The following RAD51B variants were observed in gnomAD, a reference collection of about 807,000 sequenced individuals.
RAD51B encodes RAD51 paralog B.
A neutral mutation model predicts 42.2 loss-of-function variants in RAD51B; 38 were observed. The observed-to-expected ratio is 0.90, with a 90% CI of 0.70 to 1.18. The LOEUF is 1.18. RAD51B is among the 50% of genes most tolerant of loss of function. The probability of loss-of-function intolerance (pLI) is 0.00; values close to 1 mark genes in which losing one functional copy is unlikely to be tolerated. For missense variants in RAD51B, 373 were observed against 400.7 expected (o/e 0.93, Z 0.59); for synonymous variants, 154 against 145.2 (o/e 1.06, Z -0.43).
chr14:68,641,345 AG>A (rs1892455822), intron 10 of RAD51B, among the ~76,000 whole-genome samples: 1 of 152,174 alleles, frequency 6.6e-6, no homozygotes, highest in Admixed American at 6.5e-5. Flanking sequence ...AAGTCCCAGG[AG>A]CTTAAGAAGT....
At chr14:67,828,756 A>G (rs2040922831) in intron 3 of RAD51B, among the ~76,000 whole-genome samples, 1 of 151,968 alleles carries the variant, frequency 6.6e-6, no homozygotes, top group African/African-American at 2.4e-5. Context: ...TCCTTTCCCC[A>G]TTGCTTGTTT....
At chr14:67,883,844 T>C (rs1052144966) in intron 5 of RAD51B, among the ~76,000 whole-genome samples, 13 of 152,218 alleles carry the variant, frequency 8.5e-5, no homozygotes, top group Admixed American at 8.5e-4. Flanking sequence ...TGGCATATAG[T>C]AGGTCCTCAA....
rs1365526748 is a variant in RAD51B, at chr14:67,940,037, TATATATATATATATATA to T, written c.756+52834_756+52850del. On this transcript the variant is annotated intron_variant, in intron 7 of 10. Coordinates refer to ENST00000471583, the MANE Select transcript of RAD51B (RefSeq NM_133510.4). ...TTTGATAGATGCATATATATATATA[TATATATATATATATATA>T]TTTTTTTTTTTTTTTTTTTTTTTTT... 4.2e-4 allele frequency among the ~76,000 whole-genome samples: 5 copies of T among 12,012 alleles called. No homozygotes were observed. In the South Asian group the frequency reaches 0.01, roughly 25 times the overall value. 7.9% of individuals were successfully genotyped at this position (12,012 alleles called of 152,430 possible).
chr14:67,888,081 T>C (rs1220713056), intron 7 of RAD51B, among the ~76,000 whole-genome samples: 1 of 152,212 alleles, frequency 6.6e-6, no homozygotes, highest in East Asian at 1.9e-4. Context: ...AAAGAATATG[T>C]ATAAATAATA....
intron 11 of RAD51B, among the ~76,000 whole-genome samples, chr14:68,662,707 C>CT (rs1892957522): frequency 6.6e-6 from 1 of 152,222 alleles, no homozygotes; most frequent in Non-Finnish European, 1.5e-5. Context: ...GAGTAGTCAT[C>CT]TTTTTTCTTG....
Position 68,430,569 on chromosome 14 carries a change from G to A in RAD51B, c.957+19042G>A, listed in dbSNP as rs2084976242. Among the ~76,000 whole-genome samples, 3 of 152,184 alleles carry A rather than the reference G, an allele frequency of 2.0e-5. No individual in the cohort carries two copies. The South Asian group carries it at 6.2e-4, about 32-fold the overall frequency. The stretch of plus-strand genomic sequence containing the variant: ...CGGTTTGTCTGTTATTGGTGTATAA[G>A]AATGCTTGTGATTTTTGCACATTGA... On this transcript the variant is annotated intron_variant, in intron 9 of 10. Coordinates refer to ENST00000471583, the MANE Select transcript of RAD51B (RefSeq NM_133510.4).
intron 8 of RAD51B, among the ~76,000 whole-genome samples, chr14:68,305,821 G>C (rs1448613990): frequency 6.6e-6 from 1 of 152,220 alleles, no homozygotes; most frequent in African/African-American, 2.4e-5. Flanking sequence ...CCAGTCCCCT[G>C]TTCCACTGAG....
rs926401967 is a variant in RAD51B at position 68,099,101 on chromosome 14, G to A, written c.757-192783G>A. ...CCTTTCTTTAATTGCTAGGTTTAAC[G>A]AAGTTGAAAAACCCTAACTTGGGAA... On this transcript the variant is annotated intron_variant, in intron 7 of 10. Transcript: ENST00000471583. Among the ~76,000 whole-genome samples, 4 of 152,218 alleles carry A rather than the reference G, an allele frequency of 2.6e-5. No homozygotes were observed. In the East Asian group the frequency reaches 7.7e-4, roughly 29 times the overall value.
chr14:68,129,258 G>GT (rs1329015450), intron 7 of RAD51B, among the ~76,000 whole-genome samples: 4 of 152,178 alleles, frequency 2.6e-5, no homozygotes, highest in Non-Finnish European at 5.9e-5. Flanking sequence ...GTATACTGAG[G>GT]TAGGATGCTC....
chr14:67,888,433 A>T (rs574273782), intron 7 of RAD51B, among the ~76,000 whole-genome samples: 3 of 152,174 alleles, frequency 2.0e-5, no homozygotes, highest in African/African-American at 7.2e-5. Context: ...AAGATAGGAG[A>T]TATTTGAAAA....
chr14:68,344,076 A>G (rs2082622886), intron 8 of RAD51B, among the ~76,000 whole-genome samples: 1 of 152,260 alleles, frequency 6.6e-6, no homozygotes, highest in Middle Eastern at 3.2e-3. Flanking sequence ...CAGTGTGGAG[A>G]GGAAATGTGG....
At chr14:67,829,761 T>C (rs2040968595) in intron 3 of RAD51B, among the ~76,000 whole-genome samples, 3 of 152,144 alleles carry the variant, frequency 2.0e-5, no homozygotes, top group Admixed American at 2.0e-4. Context: ...GGTGAACAAG[T>C]TTATACAGTC....
intron 7 of RAD51B, among the ~76,000 whole-genome samples, chr14:68,197,103 T>C (rs1348237516): frequency 6.6e-6 from 1 of 152,220 alleles, no homozygotes; most frequent in Non-Finnish European, 1.5e-5. Context: ...TATTCTTTTA[T>C]TGAGGTAAAA....
intron 7 of RAD51B, among the ~76,000 whole-genome samples, chr14:68,181,830 T>C (rs2079065795): frequency 6.6e-6 from 1 of 152,198 alleles, no homozygotes; most frequent in Admixed American, 6.5e-5. Flanking sequence ...CAAAGGGTTA[T>C]GTCCTCAGAA....
intron 10 of RAD51B, among the ~76,000 whole-genome samples, chr14:68,556,524 G>A (rs1888856157): frequency 6.6e-6 from 1 of 152,202 alleles, no homozygotes. Context: ...GGCCTGAGAA[G>A]AGGAGGTGGC....
intron 8 of RAD51B, among the ~76,000 whole-genome samples, chr14:68,369,851 A>G (rs1215253159): frequency 2.0e-5 from 3 of 152,118 alleles, no homozygotes; most frequent in Admixed American, 1.3e-4. Context: ...ATCTGTCTAT[A>G]TATTTTTTTC....
intron 7 of RAD51B, among the ~76,000 whole-genome samples, chr14:68,095,851 C>T (rs1247996935): frequency 6.6e-6 from 1 of 151,784 alleles, no homozygotes; most frequent in Non-Finnish European, 1.5e-5. Context: ...TGGCGGGCGC[C>T]TGGAGTCCCA....
chr14:67,916,716 A>G lies in RAD51B; in HGVS notation c.756+29512A>G, dbSNP rs567176623. ...GTTCTAACCAAATTTTTCATGTTTTAGATGTGAGACAAGTTAATCTTCTAG... is the reference window on the plus strand; with the variant it reads ...GTTCTAACCAAATTTTTCATGTTTTGGATGTGAGACAAGTTAATCTTCTAG... On this transcript the variant is annotated intron_variant, in intron 7 of 10. Coordinates refer to ENST00000471583, the MANE Select transcript of RAD51B (RefSeq NM_133510.4). Among the ~76,000 whole-genome samples, 12 of 152,344 alleles carry G rather than the reference A, an allele frequency of 7.9e-5. No homozygotes were observed. In the South Asian group the frequency reaches 2.5e-3, roughly 32 times the overall value.
chr14:68,275,840 A>ACACACACACACACACC (rs780326389), intron 7 of RAD51B, among the ~76,000 whole-genome samples: 1 of 134,854 alleles, frequency 7.4e-6, no homozygotes, highest in African/African-American at 2.9e-5. Flanking sequence ...ACACACACAC[A>ACACACACACACACACC]CCCTTGAATT....
Sources: allele counts gnomAD v4.1 joint callset (sites outside exome capture counted in the v4.1 genomes callset), GRCh38; gene constraint gnomAD v4.1.1; transcripts MANE v1.5; gene names NCBI Gene and HGNC (gene_info 2026-07-23, HGNC 2026-07-21).